The following BCAS3 variants were observed in gnomAD, a reference collection of about 807,000 sequenced individuals.
The protein encoded by BCAS3 is BCAS4/BCAS3 fusion.
BCAS3 carries 53 observed loss-of-function variants against 116.1 expected under a neutral mutation model. That is an observed-to-expected ratio of 0.46 (90% confidence interval 0.37 to 0.57). The LOEUF (loss-of-function observed/expected upper bound fraction) is 0.57, where lower values mean the gene tolerates loss of function less well. BCAS3 is among the 20% of genes least tolerant of loss of function. The probability of loss-of-function intolerance (pLI) is 0.00; values close to 1 mark genes in which losing one functional copy is unlikely to be tolerated. For synonymous variants in BCAS3, 391 were observed against 408.2 expected (o/e 0.96, Z 0.51); for missense variants, 917 against 1,165.4 (o/e 0.79, Z 3.10).
At chr17:61,336,659 A>G (rs1602792831) in intron 22 of BCAS3, among the ~76,000 whole-genome samples, 2 of 152,104 alleles carry the variant, frequency 1.3e-5, no homozygotes, top group East Asian at 3.9e-4. Flanking sequence ...CATTTCATTC[A>G]TCCACAGGGG....
intron 12 of BCAS3, among the ~76,000 whole-genome samples, chr17:60,913,511 T>C (rs529934926): frequency 5.3e-5 from 8 of 152,128 alleles, no homozygotes; most frequent in Non-Finnish European, 1.0e-4. Context: ...TGATAAGTAG[T>C]TCAGTTGGAG....
Position 61,325,117 on chromosome 17 carries a change from G to A in BCAS3, c.2426-43210G>A, listed in dbSNP as rs62069649. Among the ~76,000 whole-genome samples the A allele has an allele frequency of 0.016, 2,493 of 152,254 alleles. 23 individuals carry two copies. Among genetic ancestry groups the A allele is most frequent in the Middle Eastern group, 0.031 (9 of 292 alleles). On this transcript the variant is annotated intron_variant, in intron 22 of 23. Coordinates refer to ENST00000407086, the MANE Select transcript of BCAS3 (RefSeq NM_017679.5). This position sits in a 1 kb window ranked among gnomAD's most constrained non-coding sequence, Gnocchi z 6.4. ...AACCCCGCTCCCTCCACTGCCAAAT[G>A]AGTTGCTGATGGGAATTTTTTGAAT...
At chr17:61,353,370 G>C (rs537706081) in intron 22 of BCAS3, among the ~76,000 whole-genome samples, 3 of 152,186 alleles carry the variant, frequency 2.0e-5, no homozygotes, top group Non-Finnish European at 2.9e-5. Flanking sequence ...AGCTGGTGAC[G>C]CCGGCGGTCT....
intron 3 of BCAS3, chr17:60,689,036 A>G (rs2034462379): frequency 6.6e-6 from 1 of 152,160 alleles, no homozygotes; most frequent in Non-Finnish European, 1.5e-5. Flanking sequence ...CCTAGCACTT[A>G]ATAGTTAAAG....
Position 61,326,113 on chromosome 17 carries a change from C to CATT in BCAS3, c.2426-42212_2426-42210dup, listed in dbSNP as rs1724631395. The stretch of plus-strand genomic sequence containing the variant: ...GTTTGTGGTCTAGGAGGGGAAAAGA[C>CATT]ATTAATCAGATAATCTCACAAATTA... On this transcript the variant is annotated intron_variant, in intron 22 of 23. Coordinates refer to ENST00000407086, the MANE Select transcript of BCAS3 (RefSeq NM_017679.5). The surrounding 1 kb of genome is among the most constrained non-coding windows in gnomAD (Gnocchi z 5.3). Among the ~76,000 whole-genome samples the CATT allele has an allele frequency of 6.6e-6, 1 of 152,132 alleles. No individual in the cohort carries two copies. The highest frequency in any genetic ancestry group is 6.5e-5 in the Admixed American group (1 of 15,270).
intron 6 of BCAS3, among the ~76,000 whole-genome samples, chr17:60,748,510 G>T (rs949247209): frequency 2.6e-5 from 4 of 152,096 alleles, no homozygotes; most frequent in African/African-American, 9.7e-5. Flanking sequence ...GAAGATTCTA[G>T]ACCGTCCTTT....
At chr17:61,047,279 A>G (rs2068442175) in intron 19 of BCAS3, among the ~76,000 whole-genome samples, 1 of 152,070 alleles carries the variant, frequency 6.6e-6, no homozygotes, top group Non-Finnish European at 1.5e-5. Flanking sequence ...AGAATGTTCC[A>G]TACAGAGGTC....
intron 6 of BCAS3, among the ~76,000 whole-genome samples, chr17:60,802,062 C>T (rs1053663895): frequency 1.3e-5 from 2 of 151,964 alleles, no homozygotes; most frequent in Non-Finnish European, 2.9e-5. Flanking sequence ...AATCCCAGCA[C>T]TTTGTGAGGC....
At chr17:61,094,253 T>C (rs1468800247) in intron 22 of BCAS3, among the ~76,000 whole-genome samples, 1 of 152,252 alleles carries the variant, frequency 6.6e-6, no homozygotes, top group Non-Finnish European at 1.5e-5. Flanking sequence ...CATCTTAATA[T>C]TCTGTATATC....
chr17:61,334,934 G>T (rs1246580482), intron 22 of BCAS3, among the ~76,000 whole-genome samples: 1 of 152,182 alleles, frequency 6.6e-6, no homozygotes, highest in Non-Finnish European at 1.5e-5. Flanking sequence ...GCAGAAGTTG[G>T]TCTGTGGATG....
In BCAS3 at chr17:61,300,258, C is replaced by T. The variant is rs1034856318; in HGVS notation, c.2426-68069C>T. 2.0e-5 allele frequency among the ~76,000 whole-genome samples: 3 copies of T among 152,142 alleles called. No homozygotes were observed. Among genetic ancestry groups the T allele is most frequent in the African/African-American group, 7.2e-5 (3 of 41,424 alleles). On this transcript the variant is annotated intron_variant, in intron 22 of 23. Coordinates refer to ENST00000407086, the MANE Select transcript of BCAS3 (RefSeq NM_017679.5). This position sits in a 1 kb window ranked among gnomAD's most constrained non-coding sequence, Gnocchi z 5.1. ...CCCAGTTGGTTTCACTGTCCCGAGA[C>T]CCTAAGGATGTTTTCGTAGAGCTTT...
chr17:60,805,800 C>G (rs1469235273), intron 6 of BCAS3, among the ~76,000 whole-genome samples: 1 of 150,806 alleles, frequency 6.6e-6, no homozygotes, highest in Non-Finnish European at 1.5e-5. Flanking sequence ...GCACTCCAGC[C>G]TGGGTGACAG....
rs768114524 is a variant in BCAS3 at position 61,381,473 on chromosome 17, G to A, written c.2594-10504G>A. Among the ~76,000 whole-genome samples, 1 of 152,122 alleles carries A rather than the reference G, an allele frequency of 6.6e-6. No individual in the cohort carries two copies. Among genetic ancestry groups the A allele is most frequent in the Admixed American group, 6.5e-5 (1 of 15,286 alleles). On this transcript the variant is annotated intron_variant, in intron 23 of 23. Transcript: ENST00000407086. This position sits in a 1 kb window ranked among gnomAD's most constrained non-coding sequence, Gnocchi z 6.0. ...TTGAGACACAGGCTGGGACCCCAAAGAGGGCAACAGAGGCCGTGCCCCAAC... is the reference window on the plus strand; with the variant it reads ...TTGAGACACAGGCTGGGACCCCAAAAAGGGCAACAGAGGCCGTGCCCCAAC...
At chr17:61,314,982 G>A (rs376855157) in intron 22 of BCAS3, among the ~76,000 whole-genome samples, 2 of 152,088 alleles carry the variant, frequency 1.3e-5, no homozygotes, top group South Asian at 2.1e-4. Flanking sequence ...AGCAGTCACC[G>A]CGCTTGTCTG....
chr17:61,387,249 C>G lies in BCAS3; in HGVS notation c.2594-4728C>G, dbSNP rs963463658. 2.0e-5 allele frequency among the ~76,000 whole-genome samples: 3 copies of G among 152,172 alleles called. No homozygotes were observed. Among genetic ancestry groups the G allele is most frequent in the Non-Finnish European group, 4.4e-5 (3 of 68,020 alleles). On this transcript the variant is annotated intron_variant, in intron 23 of 23. Coordinates refer to ENST00000407086, the MANE Select transcript of BCAS3 (RefSeq NM_017679.5). This position sits in a 1 kb window ranked among gnomAD's most constrained non-coding sequence, Gnocchi z 6.2. ...GCACTGTGGGTGGAGGTGCATGGGC[C>G]CATGCTGCACGGCCCAGCTCAGGAG...
At position 61,279,602 on chromosome 17, in the gene BCAS3, C is replaced by T. The variant is rs1342540888; in HGVS notation, c.2426-88725C>T. On this transcript the variant is annotated intron_variant, in intron 22 of 23. Coordinates refer to ENST00000407086, the MANE Select transcript of BCAS3 (RefSeq NM_017679.5). This position sits in a 1 kb window ranked among gnomAD's most constrained non-coding sequence, Gnocchi z 4.4. The stretch of plus-strand genomic sequence containing the variant: ...ATTTTGATGTGGCCCAGTGACTGTA[C>T]ACCAGGCCTCATCACTGCCTTGGGA... 2.0e-5 allele frequency among the ~76,000 whole-genome samples: 3 copies of T among 152,182 alleles called. No individual in the cohort carries two copies. In the East Asian group the frequency reaches 5.8e-4, roughly 29 times the overall value.
chr17:61,237,188 C>T (rs754352474), intron 22 of BCAS3, among the ~76,000 whole-genome samples: 8 of 152,126 alleles, frequency 5.3e-5, no homozygotes, highest in Non-Finnish European at 1.0e-4. Flanking sequence ...CACCAATCAG[C>T]ACTCTGCAGC....
At position 61,249,144 on chromosome 17, in the gene BCAS3, G is replaced by A. The variant is rs1392172335; in HGVS notation, c.2426-119183G>A. On this transcript the variant is annotated intron_variant, in intron 22 of 23. Coordinates refer to ENST00000407086, the MANE Select transcript of BCAS3 (RefSeq NM_017679.5). The surrounding 1 kb of genome is among the most constrained non-coding windows in gnomAD (Gnocchi z 6.2). The stretch of plus-strand genomic sequence containing the variant: ...CTACTAAAAATACAAAAAATTAGCC[G>A]GGAATGGTGGCGGGTGCCTGTAATC... 1.3e-5 allele frequency among the ~76,000 whole-genome samples: 2 copies of A among 151,942 alleles called. No individual in the cohort carries two copies. The highest frequency in any genetic ancestry group is 2.9e-5 in the Non-Finnish European group (2 of 67,992).
chr17:60,779,374 T>C (rs1000382243), intron 6 of BCAS3, among the ~76,000 whole-genome samples: 39 of 151,214 alleles, frequency 2.6e-4, no homozygotes, highest in Admixed American at 1.5e-3. Context: ...TTCTTTCTTT[T>C]TTTTTTTTTT....
Sources: gnomAD v4.1 joint callset for allele counts (sites outside exome capture counted in the v4.1 genomes callset) on GRCh38, gnomAD v4.1.1 for gene constraint, Gnocchi (gnomAD v3.1) non-coding constraint, MANE v1.5 for transcripts, NCBI Gene and HGNC (gene_info 2026-07-23, HGNC 2026-07-21) for gene names.